The following LAMA5 variants were observed in gnomAD, a reference collection of about 807,000 sequenced individuals.
LAMA5 encodes the protein laminin subunit alpha 5.
A neutral mutation model predicts 433.4 loss-of-function variants in LAMA5; 260 were observed. The observed-to-expected ratio is 0.60, with a 90% CI of 0.54 to 0.66. LAMA5 has a LOEUF of 0.66. Ranked by LOEUF, LAMA5 falls within the 30% of genes least tolerant of loss-of-function variation. LAMA5 has a pLI of 0.00. For missense variants in LAMA5, 5,378 were observed against 5,258.5 expected, an observed-to-expected ratio of 1.02 and a Z score of -0.70; for synonymous variants, 2,620 against 2,226.6, an observed-to-expected ratio of 1.18 and a Z score of -4.97.
chr20:62,320,484 TGAATGAG>T (rs1987566688), intron 50 of LAMA5, 68 bp downstream of exon 50: 4 of 1,136,626 alleles, frequency 3.5e-6, no homozygotes, highest in Admixed American at 2.0e-5. Flanking sequence ...TAACATCTGC[TGAATGAG>T]GACAAGCGAA....
chr20:62,355,086 C>A lies in LAMA5; in HGVS notation c.451-1835G>T, dbSNP rs142654865. On this transcript the variant is annotated intron_variant, in intron 2 of 79. Coordinates refer to ENST00000252999, the MANE Select transcript of LAMA5 (RefSeq NM_005560.6). ...ACCTTGGGAGACCTCAGTACTCAGC[C>A]CAACTCTTTGTGGGCGGCAGTGGGG... is the stretch of plus-strand genomic sequence containing the variant. Among the ~76,000 whole-genome samples the A allele has an allele frequency of 1.0e-3, 155 of 152,346 alleles. 1 individual carries two copies. The East Asian group carries it at 0.027, about 27-fold the overall frequency.
rs766004621 is a variant in LAMA5 at position 62,310,008 on chromosome 20, C to T, written c.10808G>A (p.Gly3603Asp). Residue 3603 changes from glycine (G) to aspartate (D), a missense_variant, in exon 78 of 80, where the codon GGC (glycine) becomes GAC (aspartate). Coordinates refer to ENST00000252999, the MANE Select transcript of LAMA5 (RefSeq NM_005560.6). ...SVTRPSVLCD[G>D]QWHRLAVMKS... is the part of the protein sequence containing the mutation. The stretch of plus-strand genomic sequence containing the variant: ...CTCACCCGCTAGCCGGTGCCACTGG[C>T]CATCACACAGCACTGAGGGGCGGGT... 22 of 1,611,162 alleles carry T rather than the reference C, an allele frequency of 1.4e-5. No homozygotes were observed. The Admixed American group carries it at 1.8e-4, about 13-fold the overall frequency.
intron 33 of LAMA5, 33 bp downstream of exon 33, chr20:62,329,105 C>T (rs765789657): frequency 6.2e-7 from 1 of 1,612,106 alleles, no homozygotes; most frequent in East Asian, 2.2e-5. Context: ...AGACCCCCAC[C>T]CCGGACCCCT....
At chr20:62,346,312 G>A in intron 9 of LAMA5, 97 bp from the exon 10 acceptor site, 3 of 1,484,560 alleles carry the variant, frequency 2.0e-6, no homozygotes, top group South Asian at 1.3e-5. Context: ...CCAGGGCCAT[G>A]GGGATGAGGG....
At position 62,320,787 on chromosome 20, in the gene LAMA5, C is replaced by T; in HGVS notation, c.6600G>A (p.Met2200Ile). 1.9e-6 allele frequency: 3 copies of T among 1,612,688 alleles called. No individual in the cohort carries two copies. The highest frequency in any genetic ancestry group is 2.5e-6 in the Non-Finnish European group (3 of 1,179,922). The change falls in exon 49 of 80, where the codon ATG becomes ATA. Residue 2200 changes from methionine (M) to isoleucine (I), a missense_variant. Physicochemically the swap from Met to Ile is conservative, Grantham distance 10. Transcript: ENST00000252999. ...TCAGCCTGTGCAGACGGGCCCAGGC[C>T]ATGGAGCTGGCATTGATGCCACGCA... ...EQLRGINASS[M>I]AWARLHRLNA...
rs1183843310 is a variant in LAMA5 at position 62,333,451 on chromosome 20, A to G, written c.3052T>C (p.Tyr1018His). Residue 1018 changes from tyrosine (Y) to histidine (H), a missense_variant, in exon 25 of 80, where the codon TAC becomes CAC. Coordinates refer to ENST00000252999, the MANE Select transcript of LAMA5 (RefSeq NM_005560.6). ...DYVVLLPSAY[Y>H]EAALLQLRVT... Reference sequence around the variant, plus strand: ...CGCAGCTGCAGGAGCGCCGCCTCGTAGTATGCGCTAGGCAGCAGAACCACG... The same window carrying G: ...CGCAGCTGCAGGAGCGCCGCCTCGTGGTATGCGCTAGGCAGCAGAACCACG... 6.2e-7 allele frequency: 1 copy of G among 1,612,600 alleles called. No homozygotes were observed. The highest frequency in any genetic ancestry group is 1.3e-5 in the African/African-American group (1 of 74,906).
chr20:62,326,978 A>G lies in LAMA5; in HGVS notation c.5113-12T>C. 1 of 1,581,438 alleles carries G rather than the reference A, an allele frequency of 6.3e-7. No individual in the cohort carries two copies. Among genetic ancestry groups the G allele is most frequent in the Non-Finnish European group, 8.7e-7 (1 of 1,155,336 alleles). On this transcript the variant is annotated splice_polypyrimidine_tract_variant and intron_variant, in intron 38 of 79. Transcript: ENST00000252999. ...CCGTAGGATGACACCTGGAGGCAGG[A>G]CAGACAGAGGTGACCTGGCCAGACT...
At chr20:62,349,876 G>A (rs1478197216) in intron 6 of LAMA5, among the ~76,000 whole-genome samples, 1 of 148,216 alleles carries the variant, frequency 6.7e-6, no homozygotes, top group Non-Finnish European at 1.5e-5. Flanking sequence ...GTGATGGTTT[G>A]GGTGGGAGTA....
Position 62,328,852 on chromosome 20 carries a change from T to C in LAMA5, c.4439A>G (p.Asn1480Ser), listed in dbSNP as rs1979799887. The change falls in exon 34 of 80, where the codon AAC becomes AGC. Residue 1480 changes from asparagine to serine, a missense_variant. Asn to Ser is a conservative substitution (Grantham distance 46, BLOSUM62 1). Transcript: ENST00000252999. ...AGGACTGGGGTACTCACGCCTGCAG[T>C]TGGGGAAGCCCCAGTATCCGGTGGC... Reference protein sequence around the residue: ...RCATGYWGFPNCRPCDCGARL... With the variant: ...RCATGYWGFPSCRPCDCGARL... The C allele has an allele frequency of 6.2e-7, 1 of 1,610,854 alleles. No homozygotes were observed.
chr20:62,362,681 C>T (rs1295313480), intron 1 of LAMA5, 129 bp from the exon 2 acceptor site: 4 of 764,994 alleles, frequency 5.2e-6, no homozygotes, highest in South Asian at 2.9e-5. Context: ...CCTCTGCGCC[C>T]CTCATCCACT....
chr20:62,349,132 G>A (rs182433670), intron 6 of LAMA5, among the ~76,000 whole-genome samples: 28 of 152,072 alleles, frequency 1.8e-4, no homozygotes, highest in East Asian at 5.8e-4. Flanking sequence ...ATAGCCAGGC[G>A]TGGTGGTGGG....
Position 62,316,757 on chromosome 20 carries a change from C to A in LAMA5, c.7670G>T (p.Gly2557Val). The part of the protein sequence containing the change: ...DHTWATVVRQ[G>V]LVDRAQQLLA... ...GAGCTGCTGGGCTCGGTCCACCAGG[C>A]CCTGCCGCACCACCGTCTGTGGATG... Residue 2557 changes from glycine (G) to valine (V), a missense_variant, in exon 57 of 80, where the codon GGC becomes GTC. Gly to Val is a moderately radical substitution (Grantham distance 109). Transcript: ENST00000252999. 2 of 1,606,476 alleles carry A rather than the reference C, an allele frequency of 1.2e-6. No homozygotes were observed. Among genetic ancestry groups the A allele is most frequent in the Non-Finnish European group, 8.5e-7 (1 of 1,176,546 alleles).
Position 62,311,312 on chromosome 20 carries a change from G to T in LAMA5, c.9943-5C>A, listed in dbSNP as rs1393786608. On this transcript the variant is annotated splice_polypyrimidine_tract_variant and splice_region_variant and intron_variant, in intron 72 of 79. Coordinates refer to ENST00000252999, the MANE Select transcript of LAMA5 (RefSeq NM_005560.6). Reference sequence around the variant, plus strand: ...CTGACGGCTGCGGCGGGAGGCCTGGGGGCGTGGATGGTGAATGCAGGGGCC... The same window carrying T: ...CTGACGGCTGCGGCGGGAGGCCTGGTGGCGTGGATGGTGAATGCAGGGGCC... 4 of 1,559,248 alleles carry T rather than the reference G, an allele frequency of 2.6e-6. No individual in the cohort carries two copies. The Admixed American group carries it at 8.0e-5, about 31-fold the overall frequency.
At chr20:62,341,819 GATCAACCAAAAAA>G (rs1164599979) in intron 11 of LAMA5, among the ~76,000 whole-genome samples, 9 of 112,244 alleles carry the variant, frequency 8.0e-5, no homozygotes, top group African/African-American at 3.9e-4. Flanking sequence ...TGTTAGGTCT[GATCAACCAAAAAA>G]AAAAAAAAAA....
At chr20:62,315,453 G>A (rs1986837768) in intron 58 of LAMA5, among the ~76,000 whole-genome samples, 1 of 151,974 alleles carries the variant, frequency 6.6e-6, no homozygotes, top group African/African-American at 2.4e-5. Context: ...TGTGCCCCAT[G>A]TCACCTCCCA....
chr20:62,317,847 A>G, intron 53 of LAMA5, 69 bp from the exon 54 acceptor site: 1 of 485,392 alleles, frequency 2.1e-6, no homozygotes, highest in Non-Finnish European at 3.0e-6. Context: ...GATGGGGTGG[A>G]CAGCAGGGCA....
At position 62,318,599 on chromosome 20, in the gene LAMA5, G is replaced by A. The variant is rs759808616; in HGVS notation, c.7094C>T (p.Ala2365Val). The A allele has an allele frequency of 6.2e-6, 10 of 1,610,828 alleles. No individual in the cohort carries two copies. The highest frequency in any genetic ancestry group is 1.3e-5 in the African/African-American group (1 of 74,880). ...CCGGTCGCGGGTTTGTGTGGCCAGT[G>A]CCTGGTTCTCCTCCCAGAGGCTGCT... ...QLSSLWEENQ[A>V]LATQTRDRLA... Residue 2365 changes from alanine (A) to valine (V), a missense_variant, in exon 53 of 80, where the codon GCA (alanine) becomes GTA (valine). By Grantham distance (64) the Ala-to-Val change is moderately conservative (BLOSUM62 0). Transcript: ENST00000252999.
At position 62,325,346 on chromosome 20, in the gene LAMA5, G is replaced by A. The variant is rs1420922944; in HGVS notation, c.5499C>T (p.Cys1833=). The change falls in exon 41 of 80, where the codon TGC becomes TGT. Residue 1833 remains cysteine (C), a synonymous_variant. Coordinates refer to ENST00000252999, the MANE Select transcript of LAMA5 (RefSeq NM_005560.6). The stretch of plus-strand genomic sequence containing the variant: ...ATGAGTCCCCCCGGTAGCTGGCGGG[G>A]CACAGGCACAGCTCCACATTGCTGG... ...ALASNVELCL[C]PASYRGDSCQ... 2 of 1,598,738 alleles carry A rather than the reference G, an allele frequency of 1.3e-6. No homozygotes were observed. The highest frequency in any genetic ancestry group is 1.7e-6 in the Non-Finnish European group (2 of 1,170,760).
rs375284611 is a variant in LAMA5, at chr20:62,353,120, C to T, written c.568+14G>A. ...CTGCCTCTCCCCCCAGGCCCCACGG[C>T]GGCAGAGACTCACAGGCAAAGAACT... On this transcript the variant is annotated intron_variant, in intron 3 of 79. Coordinates refer to ENST00000252999, the MANE Select transcript of LAMA5 (RefSeq NM_005560.6). 222 of 1,547,240 alleles carry T rather than the reference C, an allele frequency of 1.4e-4. 5 individuals carry two copies. The South Asian group carries it at 2.0e-3, about 14-fold the overall frequency.
Sources: gnomAD v4.1 joint callset for allele counts (sites outside exome capture counted in the v4.1 genomes callset) on GRCh38, gnomAD v4.1.1 for gene constraint, MANE v1.5 for transcripts, NCBI Gene and HGNC (gene_info 2026-07-23, HGNC 2026-07-21) for gene names.